ZNF672: variants seen among roughly 807,000 people sequenced by gnomAD.
ZNF672 encodes the protein hypothetical protein FLJ22301.
For missense variants in ZNF672, 733 were observed against 701.1 expected (o/e 1.05, Z -0.51); for synonymous variants, 358 against 305.6 (o/e 1.17, Z -1.79).
intron 1 of ZNF672, among the ~76,000 whole-genome samples, chr1:248,842,199 C>T (rs1216233274): frequency 6.6e-6 from 1 of 152,120 alleles, no homozygotes; most frequent in African/African-American, 2.4e-5. Flanking sequence ...CTTCCTGTTA[C>T]ATTCACTGAC....
intron 1 of ZNF672, among the ~76,000 whole-genome samples, chr1:248,839,985 C>T (rs1190894912): frequency 6.6e-6 from 1 of 151,980 alleles, no homozygotes; most frequent in Non-Finnish European, 1.5e-5. Context: ...GTGATCCGCC[C>T]GCCTTGGCCT....
chr1:248,845,980 A>G (rs568433606), intron 3 of ZNF672, among the ~76,000 whole-genome samples: 28 of 152,214 alleles, frequency 1.8e-4, no homozygotes, highest in Non-Finnish European at 3.5e-4. Flanking sequence ...TTCTGTGCAC[A>G]TACTACAAAG....
intron 1 of ZNF672, 170 bp downstream of exon 1, chr1:248,838,721 A>G (rs1239844596): frequency 1.3e-5 from 2 of 152,202 alleles, no homozygotes; most frequent in Non-Finnish European, 2.9e-5. Flanking sequence ...TTGGCCGGAC[A>G]CGTCCGCGCG....
Position 248,840,068 on chromosome 1 carries a change from T to C in ZNF672, c.-475+1517T>C, listed in dbSNP as rs1432703367. On this transcript the variant is annotated intron_variant, in intron 1 of 3. Transcript: ENST00000306562. ...TTAGCAATATTTTGACCTTTCCATATGAAACACTATAATAATAGCTTTTTT... is the reference window on the plus strand; with the variant it reads ...TTAGCAATATTTTGACCTTTCCATACGAAACACTATAATAATAGCTTTTTT... Among the ~76,000 whole-genome samples, 4 of 149,114 alleles carry C rather than the reference T, an allele frequency of 2.7e-5. No homozygotes were observed. In the East Asian group the frequency reaches 8.1e-4, roughly 30 times the overall value.
At chr1:248,839,604 C>A (rs1157989557) in intron 1 of ZNF672, among the ~76,000 whole-genome samples, 2 of 152,156 alleles carry the variant, frequency 1.3e-5, no homozygotes, top group Non-Finnish European at 2.9e-5. Flanking sequence ...GTGATCAAAT[C>A]ACTGCATTCC....
rs1024460842 is a variant in ZNF672, at chr1:248,847,157, C to G, written c.-118C>G. On this transcript the variant is annotated 5_prime_UTR_variant, in exon 4 of 4. Coordinates refer to ENST00000306562, the MANE Select transcript of ZNF672 (RefSeq NM_024836.3). ...TCAGACCAGTTTTTGCGGCCTCCCC[C>G]TTTCCTCTCTGTTACAGTGCCCTTT... 3.3e-5 allele frequency: 46 copies of G among 1,385,854 alleles called. No individual in the cohort carries two copies. In the East Asian group the frequency reaches 7.3e-4, roughly 22 times the overall value. The allele number at this position is 1,385,854 out of a possible 1,614,324, so 85.8% of individuals were successfully genotyped here.
chr1:248,841,092 G>A (rs1664671954), intron 1 of ZNF672, among the ~76,000 whole-genome samples: 1 of 152,024 alleles, frequency 6.6e-6, no homozygotes, highest in South Asian at 2.1e-4. Flanking sequence ...CAGAGTACTT[G>A]TATGTGCAGT....
In ZNF672 at chr1:248,848,168, G is replaced by A. The variant is rs762288803; in HGVS notation, c.894G>A (p.Leu298=). The change falls in exon 4 of 4, where the codon CTG becomes CTA. Residue 298 remains leucine (L), a synonymous_variant. Transcript: ENST00000306562. ...AGGGTTTCGGGCAGCGCTCCGACCT[G>A]GTGGTGCACCAGCGCATCCACACGG... The part of the protein sequence containing the change: ...CGKGFGQRSD[L]VVHQRIHTGE... 3 of 1,596,786 alleles carry A rather than the reference G, an allele frequency of 1.9e-6. No individual in the cohort carries two copies. The highest frequency in any genetic ancestry group is 2.6e-6 in the Non-Finnish European group (3 of 1,175,610).
chr1:248,843,921 C>T (rs1664717026), intron 1 of ZNF672, among the ~76,000 whole-genome samples: 1 of 152,150 alleles, frequency 6.6e-6, no homozygotes. Flanking sequence ...TTCCCCTCAG[C>T]CCTATTCCCT....
chr1:248,846,781 A>C (rs1365719129), intron 3 of ZNF672, among the ~76,000 whole-genome samples: 1 of 152,130 alleles, frequency 6.6e-6, no homozygotes, highest in South Asian at 2.1e-4. Flanking sequence ...CCCTCAGAGC[A>C]GTGTTGATGG....
intron 1 of ZNF672, among the ~76,000 whole-genome samples, chr1:248,840,099 TA>T (rs1339141321): frequency 6.7e-6 from 1 of 150,284 alleles, no homozygotes; most frequent in Admixed American, 6.7e-5. Flanking sequence ...TTTTTTAATT[TA>T]TTTTTTTGAG....
intron 3 of ZNF672, among the ~76,000 whole-genome samples, chr1:248,846,569 C>G (rs1447991686): frequency 6.6e-6 from 1 of 152,218 alleles, no homozygotes; most frequent in Non-Finnish European, 1.5e-5. Flanking sequence ...TGTGCTTCAT[C>G]ACATTACCCG....
intron 3 of ZNF672, 63 bp from the exon 4 acceptor site, chr1:248,846,989 C>T (rs1318474830): frequency 2.3e-6 from 1 of 429,122 alleles, no homozygotes; most frequent in Admixed American, 3.7e-5. Context: ...ATAGGGAGTT[C>T]GTGTTCCCCT....
intron 1 of ZNF672, among the ~76,000 whole-genome samples, chr1:248,843,537 A>G (rs1460209507): frequency 6.6e-6 from 1 of 152,224 alleles, no homozygotes; most frequent in African/African-American, 2.4e-5. Context: ...TTTCTCAGGT[A>G]AAGCCCTCCA....
At chr1:248,843,620 A>C (rs879391675) in intron 1 of ZNF672, among the ~76,000 whole-genome samples, 2 of 152,264 alleles carry the variant, frequency 1.3e-5, no homozygotes, top group African/African-American at 4.8e-5. Context: ...GCACTATTCA[A>C]TAAAAATAAA....
chr1:248,847,619 G>C lies in ZNF672; in HGVS notation c.345G>C (p.Leu115=). ...GCTTCCCGCACCTCCCGGCGCTGCTGCTACACCGGCGCCGCCAGCATCTGC... is the reference window on the plus strand; with the variant it reads ...GCTTCCCGCACCTCCCGGCGCTGCTCCTACACCGGCGCCGCCAGCATCTGC... ...GRRFPHLPAL[L]LHRRRQHLPE... The change falls in exon 4 of 4, where the codon CTG becomes CTC. Residue 115 remains leucine (L), a synonymous_variant. Transcript: ENST00000306562. The C allele has an allele frequency of 6.6e-7, 1 of 1,525,626 alleles. No individual in the cohort carries two copies. The highest frequency in any genetic ancestry group is 2.0e-5 in the Admixed American group (1 of 50,684). 94.5% of individuals were successfully genotyped at this position (1,525,626 alleles called of 1,614,324 possible).
rs1572198498 is a variant in ZNF672, at chr1:248,847,129, A to G, written c.-146A>G. 1 of 1,132,222 alleles carries G rather than the reference A, an allele frequency of 8.8e-7. No individual in the cohort carries two copies. Among genetic ancestry groups the G allele is most frequent in the East Asian group, 2.6e-5 (1 of 38,484 alleles). The allele number at this position is 1,132,222 out of a possible 1,614,324, so 70.1% of individuals were successfully genotyped here. A position where few individuals can be genotyped will look rare whatever the true frequency, so the allele number is the denominator to read the frequency against. On this transcript the variant is annotated 5_prime_UTR_variant, in exon 4 of 4. Transcript: ENST00000306562. ...GTCTGCCCCTTAGAGAAGAACCCTGAAATCAGACCAGTTTTTGCGGCCTCC... is the reference window on the plus strand; with the variant it reads ...GTCTGCCCCTTAGAGAAGAACCCTGGAATCAGACCAGTTTTTGCGGCCTCC...
chr1:248,846,417 G>A (rs957125966), intron 3 of ZNF672, among the ~76,000 whole-genome samples: 5 of 152,178 alleles, frequency 3.3e-5, no homozygotes, highest in Non-Finnish European at 7.3e-5. Flanking sequence ...CTGGCATGGG[G>A]TAGTGTGTTT....
rs1659151751 is a variant in ZNF672 at position 248,847,299 on chromosome 1, G to A, written c.25G>A (p.Ala9Thr). 1 of 1,602,644 alleles carries A rather than the reference G, an allele frequency of 6.2e-7. No individual in the cohort carries two copies. The highest frequency in any genetic ancestry group is 2.2e-5 in the East Asian group (1 of 44,496). MFATSGAV[A>T]AGKPYSCSEC... Reference sequence around the variant, plus strand: ...CATGTTTGCCACATCTGGGGCAGTGGCAGCGGGGAAGCCTTACTCGTGCAG... The same window carrying A: ...CATGTTTGCCACATCTGGGGCAGTGACAGCGGGGAAGCCTTACTCGTGCAG... Residue 9 changes from alanine (A) to threonine (T), a missense_variant, in exon 4 of 4, where the codon GCA (alanine) becomes ACA (threonine). Transcript: ENST00000306562.
Sources: allele counts gnomAD v4.1 joint callset (sites outside exome capture counted in the v4.1 genomes callset), GRCh38; gene constraint gnomAD v4.1.1; transcripts MANE v1.5; gene names NCBI Gene and HGNC (gene_info 2026-07-23, HGNC 2026-07-21).